Variants in PCNX2 observed in about 807,000 individuals in gnomAD.
PCNX2 encodes the protein pecanex 2, also known as pecanex-like protein 2.
In PCNX2, 168 loss-of-function variants were observed where a neutral mutation model predicts 223.8. The observed-to-expected ratio is 0.75, with a 90% CI of 0.66 to 0.85. PCNX2 has a LOEUF of 0.85. Ranked by LOEUF, PCNX2 falls within the 40% of genes least tolerant of loss-of-function variation. The probability of loss-of-function intolerance (pLI) is 0.00; values close to 1 mark genes in which losing one functional copy is unlikely to be tolerated. For synonymous variants in PCNX2, 1,006 were observed against 1,052.6 expected (o/e 0.96, Z 0.86); for missense variants, 2,507 against 2,675.5 (o/e 0.94, Z 1.39).
chr1:233,129,360 C>A lies in PCNX2; in HGVS notation c.3837+5653G>T, dbSNP rs182806968. Reference sequence around the variant, plus strand: ...CCTCCCCACGGGGCAGGGCTCCTGACCTGCAGCCCGCCATGCCTAAGCTTC... The same window carrying A: ...CCTCCCCACGGGGCAGGGCTCCTGAACTGCAGCCCGCCATGCCTAAGCTTC... On this transcript the variant is annotated intron_variant, in intron 21 of 33. Transcript: ENST00000258229. Among the ~76,000 whole-genome samples the A allele has an allele frequency of 4.6e-3, 708 of 152,312 alleles. 1 individual carries two copies. The highest frequency in any genetic ancestry group is 0.015 in the African/African-American group (636 of 41,582).
chr1:233,098,623 G>C (rs930471993), intron 21 of PCNX2, among the ~76,000 whole-genome samples: 1 of 152,040 alleles, frequency 6.6e-6, no homozygotes, highest in South Asian at 2.1e-4. Flanking sequence ...GAAGAAGCCA[G>C]ATCTCCTGAA....
chr1:233,224,818 G>A (rs924488817), intron 10 of PCNX2, among the ~76,000 whole-genome samples: 1 of 151,830 alleles, frequency 6.6e-6, no homozygotes, highest in Non-Finnish European at 1.5e-5. Context: ...TAAAAGTGAC[G>A]TTGCCTCATT....
chr1:233,227,399 A>G, intron 9 of PCNX2, 28 bp from the exon 10 acceptor site: 1 of 1,603,078 alleles, frequency 6.2e-7, no homozygotes, highest in Non-Finnish European at 8.5e-7. Context: ...AAACAACAGA[A>G]AAAAGGGCTT....
chr1:233,095,596 C>A, intron 22 of PCNX2, 159 bp downstream of exon 22: 1 of 654,162 alleles, frequency 1.5e-6, no homozygotes, highest in Admixed American at 2.8e-5. Context: ...TCTTTTAAGG[C>A]TAAGTGGCCT....
At chr1:233,163,018 T>C (rs1678584690) in intron 17 of PCNX2, among the ~76,000 whole-genome samples, 1 of 152,182 alleles carries the variant, frequency 6.6e-6, no homozygotes. Flanking sequence ...GGATGATATA[T>C]GGGAATTCCA....
At chr1:233,264,974 AT>A (rs1200586057) in intron 1 of PCNX2, among the ~76,000 whole-genome samples, 1 of 152,182 alleles carries the variant, frequency 6.6e-6, no homozygotes, top group Non-Finnish European at 1.5e-5. Context: ...ATAGTGGCTC[AT>A]GCCTGTAATC....
In PCNX2 at chr1:233,217,911, G is replaced by A; in HGVS notation, c.2679C>T (p.Ala893=). Residue 893 remains alanine (A), a synonymous_variant, in exon 12 of 34, where the codon GCC becomes GCT. Coordinates refer to ENST00000258229, the MANE Select transcript of PCNX2 (RefSeq NM_014801.4). ...SLLKSVQPDP[A]SPIHGHNQII... ...TTTGGAAACTTACGTGTATTGGTGAGGCGGGGTCAGGCTGAACACTCTAAA... is the reference window on the plus strand; with the variant it reads ...TTTGGAAACTTACGTGTATTGGTGAAGCGGGGTCAGGCTGAACACTCTAAA... 6.2e-7 allele frequency: 1 copy of A among 1,613,916 alleles called. No homozygotes were observed. The highest frequency in any genetic ancestry group is 1.1e-5 in the South Asian group (1 of 91,066).
At chr1:233,279,636 G>A (rs1378434439) in intron 1 of PCNX2, among the ~76,000 whole-genome samples, 2 of 151,802 alleles carry the variant, frequency 1.3e-5, no homozygotes, top group Non-Finnish European at 2.9e-5. Context: ...CTTTGATTTT[G>A]TATTTGTTTG....
Position 233,258,501 on chromosome 1 carries a change from G to C in PCNX2, c.1361C>G (p.Thr454Ser). The change falls in exon 5 of 34, where the codon ACT becomes AGT. Residue 454 changes from threonine (T) to serine (S), a missense_variant. By Grantham distance (58) the Thr-to-Ser change is moderately conservative (BLOSUM62 1). Coordinates refer to ENST00000258229, the MANE Select transcript of PCNX2 (RefSeq NM_014801.4). ...PCPEGNGSER[T>S]PERLKTRVST... is the part of the protein sequence containing the mutation. ...TACCCTCGTCTTCAGTCTCTCTGGA[G>C]TCCTTTCACTTCCATTGCCTTCGGG... 1 of 1,613,992 alleles carries C rather than the reference G, an allele frequency of 6.2e-7. No individual in the cohort carries two copies. The highest frequency in any genetic ancestry group is 8.5e-7 in the Non-Finnish European group (1 of 1,179,896).
chr1:232,993,902 T>C (rs752518666), intron 32 of PCNX2, among the ~76,000 whole-genome samples: 1 of 152,214 alleles, frequency 6.6e-6, no homozygotes, highest in Admixed American at 6.5e-5. Flanking sequence ...CCATGTGGTG[T>C]TGGGCCTAAG....
intron 1 of PCNX2, among the ~76,000 whole-genome samples, chr1:233,272,496 G>A (rs1316425017): frequency 1.3e-5 from 2 of 152,106 alleles, no homozygotes; most frequent in Admixed American, 6.6e-5. Context: ...AAAAATAATA[G>A]GTGTTGTCAG....
intron 23 of PCNX2, among the ~76,000 whole-genome samples, chr1:233,074,246 T>A (rs1249615092): frequency 6.6e-6 from 1 of 152,206 alleles, no homozygotes; most frequent in Non-Finnish European, 1.5e-5. Flanking sequence ...GAATAGTTTA[T>A]GTACGCTTGA....
intron 25 of PCNX2, among the ~76,000 whole-genome samples, chr1:233,046,089 C>T (rs951746186): frequency 6.6e-6 from 1 of 152,238 alleles, no homozygotes. Context: ...CTTTCTTGGT[C>T]CACAGCCTTG....
At chr1:233,108,548 TA>T (rs372369690) in intron 21 of PCNX2, among the ~76,000 whole-genome samples, 56 of 152,264 alleles carry the variant, frequency 3.7e-4, no homozygotes, top group African/African-American at 1.3e-3. Context: ...GTGAGCACCC[TA>T]AGAACATGTC....
intron 25 of PCNX2, among the ~76,000 whole-genome samples, chr1:233,045,199 CT>C (rs1030996870): frequency 2.0e-5 from 3 of 152,184 alleles, no homozygotes; most frequent in Non-Finnish European, 4.4e-5. Flanking sequence ...TTCCTAGCCT[CT>C]TTTGTAGTCA....
At chr1:233,204,062 C>T (rs1257171951) in intron 13 of PCNX2, among the ~76,000 whole-genome samples, 1 of 152,112 alleles carries the variant, frequency 6.6e-6, no homozygotes, top group Non-Finnish European at 1.5e-5. Context: ...GTTCTAACTC[C>T]CAGTAACTCT....
At chr1:233,042,948 G>C (rs1671695438) in intron 25 of PCNX2, among the ~76,000 whole-genome samples, 1 of 152,194 alleles carries the variant, frequency 6.6e-6, no homozygotes. Flanking sequence ...GGAAGGGGCA[G>C]TCCTGGTTAA....
intron 1 of PCNX2, chr1:233,290,765 T>C (rs12129077): frequency 0.34 from 337,592 of 985,030 alleles, 58,544 homozygotes; most frequent in South Asian, 0.46. Context: ...GATTAAATTT[T>C]AAAAAGCAGA....
intron 19 of PCNX2, among the ~76,000 whole-genome samples, chr1:233,147,101 C>G (rs1677498314): frequency 6.6e-6 from 1 of 152,218 alleles, no homozygotes; most frequent in South Asian, 2.1e-4. Context: ...ACCATCTGAA[C>G]TACCTGGGGG....
Sources: allele counts gnomAD v4.1 joint callset (sites outside exome capture counted in the v4.1 genomes callset), GRCh38; gene constraint gnomAD v4.1.1; transcripts MANE v1.5; gene names NCBI Gene and HGNC (gene_info 2026-07-23, HGNC 2026-07-21).